Variants in CALN1 observed in about 807,000 individuals in gnomAD.
CALN1 encodes the protein calcium-binding protein 8.
A neutral mutation model predicts 30.6 loss-of-function variants in CALN1; 17 were observed. The ratio of observed to expected loss-of-function variants is 0.56; its 90% CI spans 0.38 to 0.83. The LOEUF is 0.83. CALN1 is among the 40% of genes least tolerant of loss of function. The pLI is 0.00. For synonymous variants in CALN1, 156 were observed against 131.4 expected, an observed-to-expected ratio of 1.19 and a Z score of -1.28; for missense variants, 291 against 354.9, an observed-to-expected ratio of 0.82 and a Z score of 1.45.
chr7:72,070,570 T>C (rs1804320861), intron 4 of CALN1, among the ~76,000 whole-genome samples: 1 of 152,210 alleles, frequency 6.6e-6, no homozygotes, highest in African/African-American at 2.4e-5. Flanking sequence ...TTCTCCCACT[T>C]CGTTCTTCTT....
chr7:72,039,642 T>C (rs904991244), intron 4 of CALN1, among the ~76,000 whole-genome samples: 2 of 152,196 alleles, frequency 1.3e-5, no homozygotes, highest in African/African-American at 2.4e-5. Context: ...ACCACTCTTA[T>C]TGAGTCCACC....
chr7:72,294,806 T>C (rs1032580660), intron 2 of CALN1, among the ~76,000 whole-genome samples: 1 of 150,344 alleles, frequency 6.7e-6, no homozygotes, highest in Non-Finnish European at 1.5e-5. Context: ...ATGGTTGAAG[T>C]CTTTAAAGAC....
intron 5 of CALN1, among the ~76,000 whole-genome samples, chr7:71,828,144 T>C (rs1419946258): frequency 6.6e-6 from 1 of 152,132 alleles, no homozygotes; most frequent in Non-Finnish European, 1.5e-5. Flanking sequence ...CATTAGTAGC[T>C]CTCTGCTCCC....
At chr7:72,432,735 A>G (rs1808015710) in intron 1 of CALN1, among the ~76,000 whole-genome samples, 1 of 152,176 alleles carries the variant, frequency 6.6e-6, no homozygotes, top group Non-Finnish European at 1.5e-5. Context: ...ATATAAATGG[A>G]TCCTAAATGT....
chr7:71,868,354 G>A (rs1330861786), intron 5 of CALN1, among the ~76,000 whole-genome samples: 1 of 151,460 alleles, frequency 6.6e-6, no homozygotes, highest in East Asian at 2.0e-4. Flanking sequence ...AGCGAGAGGG[G>A]AGGAAGTGCT....
At chr7:71,964,421 C>A (rs765078519) in intron 5 of CALN1, among the ~76,000 whole-genome samples, 24 of 152,158 alleles carry the variant, frequency 1.6e-4, no homozygotes, top group Non-Finnish European at 2.2e-4. Context: ...CTCAATTAGA[C>A]CCTCTGCTTA....
chr7:71,990,750 G>A (rs958870561), intron 5 of CALN1, among the ~76,000 whole-genome samples: 2 of 152,264 alleles, frequency 1.3e-5, no homozygotes, highest in East Asian at 3.9e-4. Flanking sequence ...ACCACGCCCA[G>A]CCTATTCCCT....
At chr7:72,108,443 CCTT>C (rs1260535109) in intron 3 of CALN1, among the ~76,000 whole-genome samples, 4 of 152,146 alleles carry the variant, frequency 2.6e-5, no homozygotes, top group African/African-American at 4.8e-5. Flanking sequence ...AAATATCTTC[CCTT>C]CTTCTTTTCC....
intron 4 of CALN1, among the ~76,000 whole-genome samples, chr7:72,029,278 ATTGT>A (rs1435139738): frequency 6.6e-6 from 1 of 151,820 alleles, no homozygotes; most frequent in African/African-American, 2.4e-5. Context: ...CACCCAGCGA[ATTGT>A]TTGTATTTTT....
intron 2 of CALN1, among the ~76,000 whole-genome samples, chr7:72,391,573 C>T (rs545722737): frequency 6.6e-6 from 1 of 152,118 alleles, no homozygotes; most frequent in Non-Finnish European, 1.5e-5. Context: ...CCCATAATTC[C>T]CACATGCTGT....
chr7:71,937,651 A>C (rs1166807447), intron 5 of CALN1, among the ~76,000 whole-genome samples: 2 of 151,900 alleles, frequency 1.3e-5, no homozygotes, highest in African/African-American at 4.8e-5. Flanking sequence ...GCTAATTTTA[A>C]AATGTTTTTG....
intron 3 of CALN1, among the ~76,000 whole-genome samples, chr7:72,257,205 A>G (rs570621547): frequency 6.6e-6 from 1 of 152,314 alleles, no homozygotes; most frequent in South Asian, 2.1e-4. Context: ...TGAGAACAGC[A>G]TGGGGGAATC....
intron 5 of CALN1, among the ~76,000 whole-genome samples, chr7:71,893,177 C>A (rs901136720): frequency 6.6e-6 from 1 of 152,124 alleles, no homozygotes; most frequent in Non-Finnish European, 1.5e-5. Flanking sequence ...GGACATTTAG[C>A]AATGTCTAGA....
In CALN1 at chr7:72,399,685, G is replaced by A. The variant is rs190516993; in HGVS notation, c.119+3566C>T. Among the ~76,000 whole-genome samples the A allele has an allele frequency of 2.6e-3, 393 of 152,252 alleles. 2 individuals carry two copies. The highest frequency in any genetic ancestry group is 0.023 in the Admixed American group (357 of 15,288). ...AGCAAATACTTTCCCAGCACTTCAT[G>A]GAGAGTCAACTAACTCCAAGAATAA... On this transcript the variant is annotated intron_variant, in intron 2 of 6. Transcript: ENST00000395275.
Position 72,042,547 on chromosome 7 carries a change from C to G in CALN1, c.389-18778G>C, listed in dbSNP as rs1240309695. 2.6e-5 allele frequency among the ~76,000 whole-genome samples: 4 copies of G among 152,150 alleles called. No homozygotes were observed. The East Asian group carries it at 7.7e-4, about 29-fold the overall frequency. On this transcript the variant is annotated intron_variant, in intron 4 of 6. Coordinates refer to ENST00000395275, the MANE Select transcript of CALN1 (RefSeq NM_031468.4). ...TGGGAGCTGGTCATGCAGGCACTCT[C>G]TGCCTGGCATGTACTCAAATTCAAG...
chr7:72,186,058 A>G (rs1176350734), intron 3 of CALN1, among the ~76,000 whole-genome samples: 9 of 152,042 alleles, frequency 5.9e-5, no homozygotes, highest in Admixed American at 5.2e-4. Flanking sequence ...AGGGTGAGAG[A>G]AGGAGAGGTA....
chr7:72,139,698 C>T (rs1394458708), intron 3 of CALN1, among the ~76,000 whole-genome samples: 1 of 152,156 alleles, frequency 6.6e-6, no homozygotes, highest in Non-Finnish European at 1.5e-5. Flanking sequence ...CAGCCATGTC[C>T]ATCCTCTTCT....
chr7:72,321,517 CG>C (rs1181738688), intron 2 of CALN1, among the ~76,000 whole-genome samples: 2 of 152,100 alleles, frequency 1.3e-5, no homozygotes, highest in Non-Finnish European at 2.9e-5. Context: ...AAATCGTAAA[CG>C]TAATTGTTTT....
At chr7:71,995,808 A>G (rs1262492209) in intron 5 of CALN1, among the ~76,000 whole-genome samples, 1 of 151,490 alleles carries the variant, frequency 6.6e-6, no homozygotes, top group Admixed American at 6.6e-5. Flanking sequence ...AATCCACTAT[A>G]CTGTTGCCCA....
Sources: gnomAD v4.1 joint callset for allele counts (sites outside exome capture counted in the v4.1 genomes callset) on GRCh38, gnomAD v4.1.1 for gene constraint, MANE v1.5 for transcripts, NCBI Gene and HGNC (gene_info 2026-07-23, HGNC 2026-07-21) for gene names.